Variants in CTNNA3 observed in about 807,000 individuals in gnomAD.
The protein encoded by CTNNA3 is catenin alpha 3.
Under a neutral mutation model 95.7 loss-of-function variants are expected in CTNNA3, and 76 were observed. The observed-to-expected ratio is 0.79, with a 90% confidence interval of 0.66 to 0.96. CTNNA3 has a LOEUF of 0.96. Ranked by LOEUF, CTNNA3 falls within the 40% of genes least tolerant of loss-of-function variation. The pLI is 0.00. For synonymous variants in CTNNA3, 431 were observed against 374.4 expected (o/e 1.15, Z -1.74); for missense variants, 1,191 against 1,089.8 (o/e 1.09, Z -1.31).
chr10:67,135,709 A>C (rs1860268519), intron 7 of CTNNA3, among the ~76,000 whole-genome samples: 1 of 152,010 alleles, frequency 6.6e-6, no homozygotes, highest in Non-Finnish European at 1.5e-5. Flanking sequence ...ATGGATGTAC[A>C]TGTTTTGGAA....
chr10:66,479,978 A>ACACACACC lies in CTNNA3; in HGVS notation c.1531+40638_1531+40639insGGTGTGTG, dbSNP rs1427904243. On this transcript the variant is annotated intron_variant, in intron 11 of 17. Transcript: ENST00000433211. ...CACACACACACACACACACACACAC[A>ACACACACC]CCCCAGAACTTTCAACTCAGCCCAG... is the stretch of plus-strand genomic sequence containing the variant. Among the ~76,000 whole-genome samples the ACACACACC allele has an allele frequency of 9.4e-4, 142 of 151,448 alleles. No homozygotes were observed. The South Asian group carries it at 0.013, about 14-fold the overall frequency.
intron 2 of CTNNA3, among the ~76,000 whole-genome samples, chr10:67,637,049 G>A (rs1274529357): frequency 6.6e-6 from 1 of 152,126 alleles, no homozygotes. Flanking sequence ...GAAGACTTCA[G>A]ATGATCAAAC....
intron 13 of CTNNA3, among the ~76,000 whole-genome samples, chr10:66,225,426 T>C (rs2089232891): frequency 6.9e-6 from 1 of 144,202 alleles, no homozygotes. Context: ...TATATATGAA[T>C]GAATAGTATT....
intron 15 of CTNNA3, among the ~76,000 whole-genome samples, chr10:65,997,454 C>T (rs376226624): frequency 3.4e-4 from 52 of 152,116 alleles, no homozygotes; most frequent in African/African-American, 1.1e-3. Flanking sequence ...AGGTGGAGAG[C>T]GGTGGCCTGG....
intron 10 of CTNNA3, among the ~76,000 whole-genome samples, chr10:66,590,798 C>T (rs1300050391): frequency 3.3e-5 from 5 of 151,430 alleles, no homozygotes; most frequent in Non-Finnish European, 7.4e-5. Context: ...ATTATAAAGG[C>T]CATAAAATAT....
At chr10:66,685,209 A>ATATATACGTGTATATATATACG (rs1847218367) in intron 9 of CTNNA3, among the ~76,000 whole-genome samples, 1 of 36,340 alleles carries the variant, frequency 2.8e-5, no homozygotes, top group African/African-American at 8.5e-5. Flanking sequence ...ATATATACGT[A>ATATATACGTGTATATATATACG]TATATATGTG....
rs869161944 is a variant in CTNNA3 at position 66,360,596 on chromosome 10, CTTCTTTCTTTCT to C, written c.1732+18544_1732+18555del. Reference sequence around the variant, plus strand: ...AGGCTTACCTCTAATGTATTCTTTCCTTCTTTCTTTCTTTCTTTCTTTCTTTCTTTCTTTCTT... The same window carrying C: ...AGGCTTACCTCTAATGTATTCTTTCCTTCTTTCTTTCTTTCTTTCTTTCTT... On this transcript the variant is annotated intron_variant, in intron 12 of 17. Coordinates refer to ENST00000433211, the MANE Select transcript of CTNNA3 (RefSeq NM_013266.4). 6.3e-3 allele frequency among the ~76,000 whole-genome samples: 594 copies of C among 94,058 alleles called. 9 individuals carry two copies. The highest frequency in any genetic ancestry group is 0.013 in the African/African-American group (391 of 30,228). 61.7% of individuals were successfully genotyped at this position (94,058 alleles called of 152,430 possible).
chr10:66,776,029 T>A (rs1840281522), intron 7 of CTNNA3, among the ~76,000 whole-genome samples: 1 of 152,198 alleles, frequency 6.6e-6, no homozygotes, highest in Non-Finnish European at 1.5e-5. Context: ...GCTGACAATA[T>A]TCCAAGAACA....
intron 13 of CTNNA3, among the ~76,000 whole-genome samples, chr10:66,199,776 TATATATATATATATATATATATA>T (rs2087213008): frequency 1.3e-4 from 1 of 7,880 alleles, no homozygotes; most frequent in Admixed American, 1.2e-3. Context: ...TATATATATA[TATATATATATATATATATATATA>T]TATATATTTT....
At chr10:66,652,135 G>T (rs987716254) in intron 9 of CTNNA3, among the ~76,000 whole-genome samples, 1 of 137,640 alleles carries the variant, frequency 7.3e-6, no homozygotes, top group African/African-American at 2.6e-5. Context: ...CCCAAAGTTA[G>T]CAGAAGAAAG....
chr10:67,114,233 T>C (rs1429696143), intron 7 of CTNNA3, among the ~76,000 whole-genome samples: 3 of 152,184 alleles, frequency 2.0e-5, no homozygotes, highest in African/African-American at 4.8e-5. Context: ...GTACTAATTA[T>C]ATATCTATAA....
intron 12 of CTNNA3, among the ~76,000 whole-genome samples, chr10:66,376,647 G>A (rs899260243): frequency 3.3e-5 from 5 of 151,968 alleles, no homozygotes; most frequent in South Asian, 2.1e-4. Flanking sequence ...TTGCAAAGAC[G>A]GAAAAGTCTT....
At chr10:67,631,791 A>AT (rs922824013) in intron 2 of CTNNA3, among the ~76,000 whole-genome samples, 6 of 145,574 alleles carry the variant, frequency 4.1e-5, no homozygotes, top group Non-Finnish European at 3.0e-5. Flanking sequence ...CTATTCAGTC[A>AT]TAAAAAAAAG....
intron 5 of CTNNA3, among the ~76,000 whole-genome samples, chr10:67,423,444 C>T (rs1193484249): frequency 6.6e-6 from 1 of 152,120 alleles, no homozygotes; most frequent in Non-Finnish European, 1.5e-5. Context: ...TTTCAAGGAA[C>T]TCGCTTTGCT....
intron 12 of CTNNA3, among the ~76,000 whole-genome samples, chr10:66,346,752 C>G (rs1255278591): frequency 6.6e-6 from 1 of 152,046 alleles, no homozygotes; most frequent in African/African-American, 2.4e-5. Context: ...TAATAACTTA[C>G]ATGAAACGTT....
chr10:67,459,293 G>C (rs1331332523), intron 5 of CTNNA3, among the ~76,000 whole-genome samples: 1 of 152,162 alleles, frequency 6.6e-6, no homozygotes, highest in Non-Finnish European at 1.5e-5. Flanking sequence ...GAAATTGGTA[G>C]AGCATGCAAA....
At chr10:67,559,869 C>T (rs1329919174) in intron 3 of CTNNA3, among the ~76,000 whole-genome samples, 1 of 151,928 alleles carries the variant, frequency 6.6e-6, no homozygotes, top group South Asian at 2.1e-4. Flanking sequence ...ATGCGATCAA[C>T]TGGAAGAAAG....
At chr10:67,258,062 CT>C (rs1554814553) in intron 5 of CTNNA3, among the ~76,000 whole-genome samples, 4 of 152,138 alleles carry the variant, frequency 2.6e-5, no homozygotes, top group Non-Finnish European at 2.9e-5. Flanking sequence ...AGGATAAGTC[CT>C]TTCCTTGTTC....
At chr10:67,266,748 G>T (rs902040028) in intron 5 of CTNNA3, among the ~76,000 whole-genome samples, 8 of 152,072 alleles carry the variant, frequency 5.3e-5, no homozygotes, top group African/African-American at 1.9e-4. Flanking sequence ...TGTCACAGCA[G>T]GGTGACTACA....
Sources: allele counts gnomAD v4.1 joint callset (sites outside exome capture counted in the v4.1 genomes callset), GRCh38; gene constraint gnomAD v4.1.1; transcripts MANE v1.5; gene names NCBI Gene and HGNC (gene_info 2026-07-23, HGNC 2026-07-21).